The following OGDH variants were observed in gnomAD, a reference collection of about 807,000 sequenced individuals.
OGDH encodes oxoglutarate dehydrogenase.
Under a neutral mutation model 116.6 loss-of-function variants are expected in OGDH, and 38 were observed. That is an observed-to-expected ratio of 0.33 (90% CI 0.25 to 0.43). The LOEUF is 0.43. Among genes scored for constraint, OGDH ranks in the 20% least tolerant of loss-of-function variants. The pLI, the probability that OGDH is intolerant of heterozygous loss-of-function variation, is 1.00. For missense variants in OGDH, 825 were observed against 1,357.2 expected, an observed-to-expected ratio of 0.61 and a Z score of 6.16; for synonymous variants, 488 against 533.3, an observed-to-expected ratio of 0.92 and a Z score of 1.17.
At chr7:44,606,852 C>T (rs1784370858) in intron 1 of OGDH, among the ~76,000 whole-genome samples, 199 bp downstream of exon 1, 1 of 152,144 alleles carries the variant, frequency 6.6e-6, no homozygotes, top group Non-Finnish European at 1.5e-5. Flanking sequence ...ATGGCCGTGG[C>T]AGCCAATGGA....
At chr7:44,687,896 A>C in intron 10 of OGDH, among the ~76,000 whole-genome samples, 1 of 152,148 alleles carries the variant, frequency 6.6e-6, no homozygotes, top group Non-Finnish European at 1.5e-5. Flanking sequence ...AAAACCTTGC[A>C]TCCCTTAGTT....
chr7:44,694,666 C>A lies in OGDH; in HGVS notation c.1668+90C>A, dbSNP rs184519712. The stretch of plus-strand genomic sequence containing the variant: ...CCACAGGGCCAGTTCTCACTTTTGC[C>A]AGTTATGAGGATACACGTGAGAGGA... On this transcript the variant is annotated intron_variant, in intron 12 of 22. Transcript: ENST00000222673. This position sits in a 1 kb window ranked among gnomAD's most constrained non-coding sequence, Gnocchi z 4.2. The A allele has an allele frequency of 7.0e-4, 1,018 of 1,459,154 alleles. 4 individuals carry two copies. In the African/African-American group the frequency reaches 0.013, roughly 19 times the overall value. 90.4% of individuals were successfully genotyped at this position (1,459,154 alleles called of 1,614,324 possible).
intron 4 of OGDH, among the ~76,000 whole-genome samples, chr7:44,653,058 C>T (rs1786523213): frequency 6.6e-6 from 1 of 151,992 alleles, no homozygotes; most frequent in East Asian, 1.9e-4. Flanking sequence ...AATTCTTGCC[C>T]TCAGTTTTTT....
At chr7:44,647,397 C>A in intron 3 of OGDH, 2 of 1,337,746 alleles carry the variant, frequency 1.5e-6, no homozygotes, top group Non-Finnish European at 2.1e-6. Context: ...ACCCTCCCCA[C>A]AGCTCACTGG....
rs112024634 is a variant in OGDH at position 44,625,906 on chromosome 7, G to A, written c.222+1341G>A. ...GAGGATTGCTGAAGCCCAGGAATTCGAGGTTACAGTGCGCTGTGATGGTGC... is the reference window on the plus strand; with the variant it reads ...GAGGATTGCTGAAGCCCAGGAATTCAAGGTTACAGTGCGCTGTGATGGTGC... On this transcript the variant is annotated intron_variant, in intron 2 of 22. Coordinates refer to ENST00000222673, the MANE Select transcript of OGDH (RefSeq NM_002541.4). 2.5e-3 allele frequency among the ~76,000 whole-genome samples: 382 copies of A among 152,190 alleles called. 4 individuals are homozygous for A. The highest frequency in any genetic ancestry group is 8.6e-3 in the African/African-American group (356 of 41,510).
rs1788479816 is a variant in OGDH, at chr7:44,694,089, G to A, written c.1515+85G>A. 1 of 1,433,338 alleles carries A rather than the reference G, an allele frequency of 7.0e-7. No homozygotes were observed. The allele number at this position is 1,433,338 out of a possible 1,614,324, so 88.8% of individuals were successfully genotyped here. ...TCGGCACCCCTGTGTCCCAAGGAGAGGAGCTTGTCTAGATGAGTCACCTCA... is the reference window on the plus strand; with the variant it reads ...TCGGCACCCCTGTGTCCCAAGGAGAAGAGCTTGTCTAGATGAGTCACCTCA... On this transcript the variant is annotated intron_variant, in intron 11 of 22. Transcript: ENST00000222673. The surrounding 1 kb of genome is among the most constrained non-coding windows in gnomAD (Gnocchi z 4.2).
chr7:44,694,330 C>T lies in OGDH; in HGVS notation c.1516-94C>T. On this transcript the variant is annotated intron_variant, in intron 11 of 22. Transcript: ENST00000222673. The surrounding 1 kb of genome is among the most constrained non-coding windows in gnomAD (Gnocchi z 4.2). ...CAGGCATGAGGAATGAAGAACGTGG[C>T]CATCACCTAGGAGAGATGGGGCAGG... 1.4e-6 allele frequency: 2 copies of T among 1,469,814 alleles called. No homozygotes were observed. Among genetic ancestry groups the T allele is most frequent in the Non-Finnish European group, 9.2e-7 (1 of 1,087,166 alleles). The allele number at this position is 1,469,814 out of a possible 1,614,324, so 91.0% of individuals were successfully genotyped here. A position where few individuals can be genotyped will look rare whatever the true frequency, so the allele number is the denominator to read the frequency against.
At chr7:44,642,407 G>T (rs565965642) in intron 2 of OGDH, among the ~76,000 whole-genome samples, 1 of 152,234 alleles carries the variant, frequency 6.6e-6, no homozygotes, top group East Asian at 1.9e-4. Context: ...CTGGGCAGCA[G>T]AGCCAGACCC....
intron 2 of OGDH, among the ~76,000 whole-genome samples, chr7:44,626,878 G>A (rs377190402): frequency 6.6e-5 from 10 of 152,312 alleles, no homozygotes; most frequent in Middle Eastern, 6.8e-3. Context: ...AGCAATCCCG[G>A]TTGTCATCCA....
chr7:44,608,866 A>G (rs1448245376), intron 1 of OGDH, among the ~76,000 whole-genome samples: 1 of 152,226 alleles, frequency 6.6e-6, no homozygotes, highest in African/African-American at 2.4e-5. Context: ...TATTCTATGC[A>G]GTCATAATAA....
At position 44,694,479 on chromosome 7, in the gene OGDH, C is replaced by A; in HGVS notation, c.1571C>A (p.Pro524Gln). The change falls in exon 12 of 23, where the codon CCG becomes CAG. Residue 524 changes from proline (P) to glutamine (Q), a missense_variant. Pro to Gln is a moderately conservative substitution (Grantham distance 76, BLOSUM62 -1). This residue lies in a region of OGDH where 146 missense variants were observed against 317.3 expected (regional missense o/e 0.46). Transcript: ENST00000222673. The surrounding 1 kb of genome is among the most constrained non-coding windows in gnomAD (Gnocchi z 4.2). The stretch of plus-strand genomic sequence containing the variant: ...ATGGATGAGCCCATGTTCACGCAGC[C>A]GCTCATGTACAAGCAGATCCGCAAG... ...NEMDEPMFTQPLMYKQIRKQK... is the reference protein window; with the variant it reads ...NEMDEPMFTQQLMYKQIRKQK... The A allele has an allele frequency of 6.2e-7, 1 of 1,613,976 alleles. No individual in the cohort carries two copies. Among genetic ancestry groups the A allele is most frequent in the Non-Finnish European group, 8.5e-7 (1 of 1,180,010 alleles).
intron 2 of OGDH, among the ~76,000 whole-genome samples, chr7:44,643,399 A>G (rs1209411155): frequency 6.6e-6 from 1 of 152,202 alleles, no homozygotes; most frequent in Non-Finnish European, 1.5e-5. Flanking sequence ...AATATTCTAC[A>G]AAAAAGAAAA....
chr7:44,658,064 C>G (rs1286539834), intron 4 of OGDH, among the ~76,000 whole-genome samples: 1 of 152,138 alleles, frequency 6.6e-6, no homozygotes, highest in Non-Finnish European at 1.5e-5. Context: ...TTTTCATTTA[C>G]AAAATTGTTT....
intron 2 of OGDH, among the ~76,000 whole-genome samples, chr7:44,631,988 A>C (rs1006433156): frequency 9.8e-5 from 15 of 152,318 alleles, no homozygotes; most frequent in African/African-American, 3.4e-4. Flanking sequence ...GCTCACGGTC[A>C]CTCAGCAGGA....
At position 44,701,572 on chromosome 7, in the gene OGDH, G is replaced by A. The variant is rs766310201; in HGVS notation, c.2589G>A (p.Leu863=). 20 of 1,613,990 alleles carry A rather than the reference G, an allele frequency of 1.2e-5. No individual in the cohort carries two copies. The South Asian group carries it at 2.2e-4, about 18-fold the overall frequency. The part of the protein sequence containing the change: ...PLIIFTPKSL[L]RHPEARSSFD... Reference sequence around the variant, plus strand: ...TTATCTTCACCCCCAAATCCCTGTTGCGCCACCCCGAGGCCAGATCCAGCT... The same window carrying A: ...TTATCTTCACCCCCAAATCCCTGTTACGCCACCCCGAGGCCAGATCCAGCT... Residue 863 remains leucine (L), a synonymous_variant, in exon 20 of 23, where the codon TTG becomes TTA. Coordinates refer to ENST00000222673, the MANE Select transcript of OGDH (RefSeq NM_002541.4).
At chr7:44,682,492 G>A (rs1787970693) in intron 10 of OGDH, among the ~76,000 whole-genome samples, 1 of 151,764 alleles carries the variant, frequency 6.6e-6, no homozygotes, top group African/African-American at 2.4e-5. Context: ...GAGGCCAGGA[G>A]TTCGAGACCA....
intron 2 of OGDH, among the ~76,000 whole-genome samples, chr7:44,630,669 C>T (rs1336754174): frequency 6.6e-6 from 1 of 152,196 alleles, no homozygotes; most frequent in Non-Finnish European, 1.5e-5. Flanking sequence ...TATGCACGTT[C>T]TCCCATATAC....
Position 44,624,451 on chromosome 7 carries a change from G to T in OGDH, c.108G>T (p.Gln36His), listed in dbSNP as rs1183282560. 6.2e-7 allele frequency: 1 copy of T among 1,613,696 alleles called. No individual in the cohort carries two copies. Among genetic ancestry groups the T allele is most frequent in the African/African-American group, 1.3e-5 (1 of 74,788 alleles). ...NRPAAARTFQ[Q>H]IRCYSAPVAA... The stretch of plus-strand genomic sequence containing the variant: ...CAGCAGCAGCTAGGACATTTCAACA[G>T]ATTCGGTGCTATTCTGCACCTGTTG... The change falls in exon 2 of 23, where the codon CAG (glutamine) becomes CAT (histidine). Residue 36 changes from glutamine (Q) to histidine (H), a missense_variant. Around this residue, in one of 7 missense-constraint regions of OGDH, gnomAD observed 126 missense variants for 130.4 expected, o/e 0.97. Transcript: ENST00000222673.
chr7:44,700,534 C>T (rs1302553923), intron 19 of OGDH, among the ~76,000 whole-genome samples: 1 of 152,192 alleles, frequency 6.6e-6, no homozygotes, highest in Admixed American at 6.6e-5. Flanking sequence ...AGGCTGCAGG[C>T]CCCAGCCCGG....
Sources: gnomAD v4.1 joint callset for allele counts (sites outside exome capture counted in the v4.1 genomes callset) on GRCh38, gnomAD v4.1.1 for gene constraint, gnomAD v4.1.1 regional missense constraint, Gnocchi (gnomAD v3.1) non-coding constraint, MANE v1.5 for transcripts, NCBI Gene and HGNC (gene_info 2026-07-23, HGNC 2026-07-21) for gene names.